TMCC1: variants seen among roughly 807,000 people sequenced by gnomAD.
TMCC1 encodes the protein transmembrane and coiled-coil domains protein 1.
A neutral mutation model predicts 52.4 loss-of-function variants in TMCC1; 15 were observed. The observed-to-expected ratio is 0.29, with a 90% CI of 0.19 to 0.44. The LOEUF (loss-of-function observed/expected upper bound fraction) is 0.44. TMCC1 is among the 20% of genes least tolerant of loss of function. TMCC1 has a pLI of 1.00. For synonymous variants in TMCC1, 279 were observed against 301.9 expected (o/e 0.92, Z 0.79); for missense variants, 503 against 806.0 (o/e 0.62, Z 4.55).
intron 4 of TMCC1, among the ~76,000 whole-genome samples, chr3:129,699,431 C>T (rs2047651589): frequency 6.6e-6 from 1 of 152,192 alleles, no homozygotes; most frequent in Non-Finnish European, 1.5e-5. Flanking sequence ...TGGGAGGAAC[C>T]TTGAGTTCAG....
At chr3:129,689,571 G>A (rs1433691829) in intron 4 of TMCC1, among the ~76,000 whole-genome samples, 4 of 152,160 alleles carry the variant, frequency 2.6e-5, no homozygotes, top group African/African-American at 9.7e-5. Flanking sequence ...CTTTCTATGA[G>A]CCTGGAGGTG....
In TMCC1 at chr3:129,860,740, C is replaced by T. The variant is rs148596994; in HGVS notation, c.-184+19569G>A. On this transcript the variant is annotated intron_variant, in intron 2 of 6. Transcript: ENST00000393238. The stretch of plus-strand genomic sequence containing the variant: ...TCAGCCTCCAGAGTAGCTGGAATTA[C>T]AGGTGCCCGCCACCACACCCAGCTA... Among the ~76,000 whole-genome samples, 635 of 152,130 alleles carry T rather than the reference C, an allele frequency of 4.2e-3. 6 individuals are homozygous for T. Among genetic ancestry groups the T allele is most frequent in the African/African-American group, 0.015 (611 of 41,504 alleles).
chr3:129,781,370 A>C (rs928379855), intron 4 of TMCC1, among the ~76,000 whole-genome samples: 18 of 152,202 alleles, frequency 1.2e-4, no homozygotes, highest in African/African-American at 4.3e-4. Flanking sequence ...AGAATAAAGC[A>C]AATAGTACTG....
chr3:129,806,930 A>G (rs1487732020), intron 4 of TMCC1, among the ~76,000 whole-genome samples: 3 of 152,150 alleles, frequency 2.0e-5, no homozygotes, highest in Non-Finnish European at 4.4e-5. Context: ...AAAAACCACT[A>G]AACGGTAAGT....
At chr3:129,655,308 C>A (rs970279673) in intron 5 of TMCC1, among the ~76,000 whole-genome samples, 3 of 152,160 alleles carry the variant, frequency 2.0e-5, no homozygotes, top group African/African-American at 4.8e-5. Flanking sequence ...CACGTGGCAA[C>A]ATGGCTGTTC....
In TMCC1 at chr3:129,651,619, G is replaced by A; in HGVS notation, c.1824C>T (p.Ala608=). 1 of 1,614,234 alleles carries A rather than the reference G, an allele frequency of 6.2e-7. No individual in the cohort carries two copies. The highest frequency in any genetic ancestry group is 8.5e-7 in the Non-Finnish European group (1 of 1,180,046). ...TCTTCATGAGGGGGACCACACAGTTGGCTACAGTGGAGACAAAGACCAAAA... is the reference window on the plus strand; with the variant it reads ...TCTTCATGAGGGGGACCACACAGTTAGCTACAGTGGAGACAAAGACCAAAA... ...AVLLVFVSTV[A]NCVVPLMKTR... The change falls in exon 7 of 7, where the codon GCC becomes GCT. Residue 608 remains alanine, a synonymous_variant. Transcript: ENST00000393238. This position sits in a 1 kb window ranked among gnomAD's most constrained non-coding sequence, Gnocchi z 5.1.
chr3:129,773,368 T>C lies in TMCC1; in HGVS notation c.576+54435A>G, dbSNP rs533434335. On this transcript the variant is annotated intron_variant, in intron 4 of 6. Coordinates refer to ENST00000393238, the MANE Select transcript of TMCC1 (RefSeq NM_001017395.5). ...GGATAAATATATTTACACATTTGTT[T>C]GTACTTTTCTTTAATAGAAAGCAAA... is the stretch of plus-strand genomic sequence containing the variant. 3.3e-5 allele frequency among the ~76,000 whole-genome samples: 5 copies of C among 152,300 alleles called. No individual in the cohort carries two copies. The East Asian group carries it at 9.6e-4, about 29-fold the overall frequency.
intron 4 of TMCC1, among the ~76,000 whole-genome samples, chr3:129,779,668 T>C (rs1228340483): frequency 6.6e-6 from 1 of 152,140 alleles, no homozygotes; most frequent in Non-Finnish European, 1.5e-5. Context: ...AAAGGAAATA[T>C]TATGAAGACA....
chr3:129,870,595 C>T (rs2060865825), intron 2 of TMCC1, among the ~76,000 whole-genome samples: 1 of 150,404 alleles, frequency 6.6e-6, no homozygotes, highest in Non-Finnish European at 1.5e-5. Context: ...AAAAATTAGC[C>T]AGGCGTGGTG....
chr3:129,649,526 G>A lies in TMCC1; in HGVS notation c.*1955C>T, dbSNP rs1207667573. ...GGTGTACTACAATCAGCTGAGGTTG[G>A]GGTGAAGACTGGAGTACCTGAGTTA... On this transcript the variant is annotated 3_prime_UTR_variant, in exon 7 of 7. Coordinates refer to ENST00000393238, the MANE Select transcript of TMCC1 (RefSeq NM_001017395.5). 2.0e-5 allele frequency: 3 copies of A among 152,466 alleles called. No homozygotes were observed. Among genetic ancestry groups the A allele is most frequent in the Non-Finnish European group, 2.9e-5 (2 of 68,012 alleles). The allele number at this position is 152,466 out of a possible 1,614,324, so 9.4% of individuals were successfully genotyped here. A position where few individuals can be genotyped will look rare whatever the true frequency, so the allele number is the denominator to read the frequency against.
chr3:129,666,439 T>A (rs2087459905), intron 5 of TMCC1, among the ~76,000 whole-genome samples: 1 of 152,134 alleles, frequency 6.6e-6, no homozygotes, highest in Non-Finnish European at 1.5e-5. Flanking sequence ...AAAGTTTCAG[T>A]GCTTAAAATA....
intron 4 of TMCC1, among the ~76,000 whole-genome samples, chr3:129,791,972 A>C (rs2056497570): frequency 6.6e-6 from 1 of 152,200 alleles, no homozygotes. Context: ...AAATTACTGC[A>C]AACGTTTATA....
chr3:129,795,208 C>T (rs2056742604), intron 4 of TMCC1, among the ~76,000 whole-genome samples: 1 of 152,134 alleles, frequency 6.6e-6, no homozygotes, highest in African/African-American at 2.4e-5. Flanking sequence ...AAAATCTACA[C>T]ACAAAACAAA....
At chr3:129,717,898 C>T (rs1272702403) in intron 4 of TMCC1, among the ~76,000 whole-genome samples, 1 of 152,094 alleles carries the variant, frequency 6.6e-6, no homozygotes, top group Non-Finnish European at 1.5e-5. Flanking sequence ...CACATCAGTC[C>T]TCTGCTTAAA....
intron 4 of TMCC1, among the ~76,000 whole-genome samples, chr3:129,823,556 C>G (rs1321176961): frequency 6.6e-6 from 1 of 152,082 alleles, no homozygotes; most frequent in Non-Finnish European, 1.5e-5. Context: ...CAAACACCGA[C>G]TTAGTTCAAC....
intron 4 of TMCC1, among the ~76,000 whole-genome samples, chr3:129,723,125 A>G (rs147976628): frequency 9.8e-4 from 150 of 152,332 alleles, no homozygotes; most frequent in African/African-American, 3.5e-3. Context: ...TGGTAAAATC[A>G]AACTATAGGC....
chr3:129,863,232 G>A (rs140325054), intron 2 of TMCC1, among the ~76,000 whole-genome samples: 65 of 152,088 alleles, frequency 4.3e-4, no homozygotes, highest in African/African-American at 1.5e-3. Flanking sequence ...TTTGATCTGT[G>A]GATCAAAAGA....
chr3:129,784,823 G>A (rs1256877099), intron 4 of TMCC1, among the ~76,000 whole-genome samples: 1 of 151,946 alleles, frequency 6.6e-6, no homozygotes, highest in African/African-American at 2.4e-5. Flanking sequence ...AATTAGCCAG[G>A]CATGGTGGTG....
chr3:129,738,053 C>T (rs897819481), intron 4 of TMCC1, among the ~76,000 whole-genome samples: 2 of 151,888 alleles, frequency 1.3e-5, no homozygotes, highest in African/African-American at 4.8e-5. Context: ...GGCAGACCAC[C>T]TGAGATCAGG....
Sources: allele counts gnomAD v4.1 joint callset (sites outside exome capture counted in the v4.1 genomes callset), GRCh38; gene constraint gnomAD v4.1.1; non-coding constraint Gnocchi (gnomAD v3.1); transcripts MANE v1.5; gene names NCBI Gene and HGNC (gene_info 2026-07-23, HGNC 2026-07-21).